The following JAZF1 variants were observed in gnomAD, a reference collection of about 807,000 sequenced individuals.
JAZF1 encodes the protein JAZF zinc finger 1.
Under a neutral mutation model 26.4 loss-of-function variants are expected in JAZF1, and 8 were observed. The ratio of observed to expected loss-of-function variants is 0.30; its 90% CI spans 0.18 to 0.55. The LOEUF is 0.55. JAZF1 is among the 20% of genes least tolerant of loss of function. The pLI, the probability that JAZF1 is intolerant of heterozygous loss-of-function variation, is 0.94. For synonymous variants in JAZF1, 126 were observed against 122.3 expected (o/e 1.03, Z -0.20); for missense variants, 199 against 322.0 (o/e 0.62, Z 2.92).
At chr7:27,906,475 T>C (rs1784260883) in intron 2 of JAZF1, among the ~76,000 whole-genome samples, 1 of 152,264 alleles carries the variant, frequency 6.6e-6, no homozygotes, top group Non-Finnish European at 1.5e-5. Context: ...ACTATGTCTT[T>C]GTATGTTCCC....
intron 3 of JAZF1, among the ~76,000 whole-genome samples, chr7:27,873,747 C>T (rs573232831): frequency 1.3e-5 from 2 of 152,318 alleles, no homozygotes; most frequent in East Asian, 1.9e-4. Flanking sequence ...TCTCTCTGAG[C>T]GTGGCTCATC....
intron 2 of JAZF1, among the ~76,000 whole-genome samples, chr7:27,980,942 G>C (rs530513123): frequency 6.6e-6 from 1 of 152,078 alleles, no homozygotes; most frequent in African/African-American, 2.4e-5. Context: ...GTAGTTGTCT[G>C]TTGCTTGGCC....
At chr7:27,957,318 A>G (rs1458364965) in intron 2 of JAZF1, among the ~76,000 whole-genome samples, 1 of 152,204 alleles carries the variant, frequency 6.6e-6, no homozygotes. Flanking sequence ...TATAAAATAA[A>G]TAACATGATT....
intron 4 of JAZF1, among the ~76,000 whole-genome samples, chr7:27,838,122 G>A (rs1352990767): frequency 2.0e-5 from 3 of 151,104 alleles, no homozygotes; most frequent in Non-Finnish European, 2.9e-5. Flanking sequence ...TGAAGATGCT[G>A]TATAAGCTAT....
At chr7:28,160,101 T>C (rs1783258554) in intron 1 of JAZF1, among the ~76,000 whole-genome samples, 2 of 151,940 alleles carry the variant, frequency 1.3e-5, no homozygotes, top group Non-Finnish European at 2.9e-5. Context: ...TCACTCTAAG[T>C]GTAAAGCACA....
At position 27,886,373 on chromosome 7, in the gene JAZF1, T is replaced by C. The variant is rs556572791; in HGVS notation, c.385+8847A>G. 5.3e-5 allele frequency among the ~76,000 whole-genome samples: 8 copies of C among 152,312 alleles called. No individual in the cohort carries two copies. The East Asian group carries it at 1.5e-3, about 29-fold the overall frequency. ...TCTCCCAGAAAACTCTAGATTTGCA[T>C]ACCACCTTTAGTCAACACATCCAGG... On this transcript the variant is annotated intron_variant, in intron 3 of 4. Transcript: ENST00000283928.
chr7:28,047,704 C>G (rs1454560208), intron 1 of JAZF1, among the ~76,000 whole-genome samples: 1 of 152,102 alleles, frequency 6.6e-6, no homozygotes, highest in African/African-American at 2.4e-5. Context: ...TGATATTTAT[C>G]ATATATGGAG....
At chr7:28,023,232 T>C (rs1783036802) in intron 1 of JAZF1, among the ~76,000 whole-genome samples, 1 of 152,034 alleles carries the variant, frequency 6.6e-6, no homozygotes, top group African/African-American at 2.4e-5. Context: ...CTATAGAAAA[T>C]TTTGAAGTGA....
intron 1 of JAZF1, among the ~76,000 whole-genome samples, chr7:27,996,130 A>G (rs1015531870): frequency 6.6e-6 from 1 of 152,224 alleles, no homozygotes; most frequent in Non-Finnish European, 1.5e-5. Context: ...AAACTCTATC[A>G]GGGTTATTTG....
At chr7:28,180,070 T>TGCCCAGC (rs1783615610) in intron 1 of JAZF1, among the ~76,000 whole-genome samples, 1 of 139,728 alleles carries the variant, frequency 7.2e-6, no homozygotes, top group Admixed American at 7.0e-5. Flanking sequence ...TCCGCGACCC[T>TGCCCAGC]GCCCAGCGCC....
At chr7:28,135,235 G>C (rs1782862417) in intron 1 of JAZF1, among the ~76,000 whole-genome samples, 2 of 152,124 alleles carry the variant, frequency 1.3e-5, no homozygotes, top group African/African-American at 4.8e-5. Flanking sequence ...TATTCCCAAA[G>C]TCTGTGTTCC....
intron 1 of JAZF1, among the ~76,000 whole-genome samples, chr7:28,140,971 T>C (rs999848799): frequency 1.3e-5 from 2 of 152,190 alleles, no homozygotes; most frequent in Non-Finnish European, 2.9e-5. Context: ...ATGTTCAATG[T>C]TTTAACGCAG....
chr7:27,922,159 T>A (rs917072659), intron 2 of JAZF1, among the ~76,000 whole-genome samples: 5 of 152,236 alleles, frequency 3.3e-5, no homozygotes, highest in Admixed American at 6.5e-5. Context: ...AATGAGGAAG[T>A]GCATTGAAGA....
At chr7:28,003,076 T>C (rs546547168) in intron 1 of JAZF1, among the ~76,000 whole-genome samples, 47 of 152,124 alleles carry the variant, frequency 3.1e-4, no homozygotes, top group South Asian at 6.2e-4. Flanking sequence ...AATTAAGCCA[T>C]ATATTTGAAG....
intron 3 of JAZF1, among the ~76,000 whole-genome samples, chr7:27,860,569 C>T (rs948545063): frequency 4.6e-5 from 7 of 152,168 alleles, no homozygotes; most frequent in African/African-American, 7.2e-5. Context: ...CAGCTCTAAG[C>T]GCTGTACATC....
At chr7:27,897,064 A>G (rs902037283) in intron 2 of JAZF1, among the ~76,000 whole-genome samples, 2 of 151,204 alleles carry the variant, frequency 1.3e-5, no homozygotes, top group Admixed American at 6.6e-5. Flanking sequence ...CTCACAGAGA[A>G]AAGCAAAGAA....
At chr7:28,039,421 C>A (rs1323985397) in intron 1 of JAZF1, among the ~76,000 whole-genome samples, 2 of 152,134 alleles carry the variant, frequency 1.3e-5, no homozygotes, top group Admixed American at 1.3e-4. Flanking sequence ...TTTGCCAATT[C>A]TTTTCTATGG....
intron 1 of JAZF1, among the ~76,000 whole-genome samples, chr7:28,177,846 T>A (rs1489463420): frequency 6.6e-6 from 1 of 152,232 alleles, no homozygotes; most frequent in Non-Finnish European, 1.5e-5. Context: ...ATCAGAAGTG[T>A]ATTTATATGA....
chr7:28,151,148 G>C lies in JAZF1; in HGVS notation c.115+29315C>G, dbSNP rs556579558. 8.4e-4 allele frequency among the ~76,000 whole-genome samples: 127 copies of C among 150,968 alleles called. 3 individuals carry two copies. The South Asian group carries it at 0.017, about 21-fold the overall frequency. ...AGACGGAGTTTCACTCTGTTGCCCA[G>C]GCTGGAGTGCAGTGGTGCGATCTCA... On this transcript the variant is annotated intron_variant, in intron 1 of 4. Transcript: ENST00000283928.
Sources: gnomAD v4.1 joint callset for allele counts (sites outside exome capture counted in the v4.1 genomes callset) on GRCh38, gnomAD v4.1.1 for gene constraint, MANE v1.5 for transcripts, NCBI Gene and HGNC (gene_info 2026-07-23, HGNC 2026-07-21) for gene names.